CTNNAL1: variants seen among roughly 807,000 people sequenced by gnomAD.
CTNNAL1 encodes alpha-catulin.
CTNNAL1 carries 69 observed loss-of-function variants against 93.6 expected under a neutral mutation model. That is an observed-to-expected ratio of 0.74 (90% confidence interval 0.61 to 0.90). The LOEUF is 0.90. CTNNAL1 is among the 40% of genes least tolerant of loss of function. The pLI, the probability that CTNNAL1 is intolerant of heterozygous loss-of-function variation, is 0.00. For missense variants in CTNNAL1, 836 were observed against 862.0 expected (o/e 0.97, Z 0.38); for synonymous variants, 286 against 305.4 (o/e 0.94, Z 0.66).
At chr9:108,986,943 A>T (rs952558177) in intron 4 of CTNNAL1, among the ~76,000 whole-genome samples, 3 of 152,112 alleles carry the variant, frequency 2.0e-5, no homozygotes, top group African/African-American at 7.2e-5. Context: ...TTGTCAGATG[A>T]GTAGGTTGCG....
At position 108,992,655 on chromosome 9, in the gene CTNNAL1, G is replaced by C; in HGVS notation, c.496C>G (p.Gln166Glu). Residue 166 changes from glutamine (Q) to glutamate (E), a missense_variant, in exon 3 of 19, where the codon CAG (glutamine) becomes GAG (glutamate). By Grantham distance (29) the Gln-to-Glu change is conservative (BLOSUM62 2). Coordinates refer to ENST00000325551, the MANE Select transcript of CTNNAL1 (RefSeq NM_003798.4). ...LLLADRVVIK[Q>E]IITSRNKVLA... ...ACCTTATTTCTTGATGTTATTATCTGTTTAATGACTACTCGGTCTGCCAGC... is the reference window on the plus strand; with the variant it reads ...ACCTTATTTCTTGATGTTATTATCTCTTTAATGACTACTCGGTCTGCCAGC... The C allele has an allele frequency of 6.2e-7, 1 of 1,612,772 alleles. No homozygotes were observed. The highest frequency in any genetic ancestry group is 8.5e-7 in the Non-Finnish European group (1 of 1,179,472).
chr9:108,999,504 T>C (rs17792842), intron 1 of CTNNAL1, among the ~76,000 whole-genome samples: 19,541 of 152,246 alleles, frequency 0.13, 1,634 homozygotes, highest in Middle Eastern at 0.19. Context: ...ATCTGGGGCA[T>C]ACAGTTCCAG....
chr9:109,002,849 C>T (rs1336655102), intron 1 of CTNNAL1, among the ~76,000 whole-genome samples: 3 of 151,490 alleles, frequency 2.0e-5, no homozygotes, highest in African/African-American at 7.3e-5. Flanking sequence ...AAAAGTTAGC[C>T]AGGTATGGTG....
intron 11 of CTNNAL1, among the ~76,000 whole-genome samples, chr9:108,964,157 CA>C (rs1402507551): frequency 1.3e-5 from 2 of 152,122 alleles, no homozygotes; most frequent in Non-Finnish European, 2.9e-5. Flanking sequence ...TACAAAGCAT[CA>C]AAATGATTTG....
At chr9:108,954,236 G>A (rs12349075) in intron 12 of CTNNAL1, among the ~76,000 whole-genome samples, 10,852 of 152,090 alleles carry the variant, frequency 0.071, 477 homozygotes, top group Admixed American at 0.13. Context: ...GCTAAAAGAC[G>A]TCAGTCCCCT....
In CTNNAL1 at chr9:108,952,446, C is replaced by T. The variant is rs868303230; in HGVS notation, c.1678G>A (p.Glu560Lys). Residue 560 changes from glutamate to lysine, a missense_variant and splice_region_variant, in exon 13 of 19, where the codon GAG becomes AAG. Physicochemically the swap from Glu to Lys is moderately conservative, Grantham distance 56. Transcript: ENST00000325551. ...KSLKPDKPDSEEQAKIAKLGL... is the reference protein window; with the variant it reads ...KSLKPDKPDSKEQAKIAKLGL... ...TTAGATGTAGGAATTGGTCTTACCT[C>T]AGAGTCAGGCTTGTCTGGCTTTAAT... The T allele has an allele frequency of 6.2e-7, 1 of 1,614,086 alleles. No homozygotes were observed. Among genetic ancestry groups the T allele is most frequent in the African/African-American group, 1.3e-5 (1 of 74,932 alleles).
At position 108,952,447 on chromosome 9, in the gene CTNNAL1, A is replaced by G. The variant is rs759774317; in HGVS notation, c.1677T>C (p.Ser559=). Residue 559 remains serine (S), a synonymous_variant, in exon 13 of 19, where the codon TCT becomes TCC. Coordinates refer to ENST00000325551, the MANE Select transcript of CTNNAL1 (RefSeq NM_003798.4). ...TAGATGTAGGAATTGGTCTTACCTCAGAGTCAGGCTTGTCTGGCTTTAATG... is the reference window on the plus strand; with the variant it reads ...TAGATGTAGGAATTGGTCTTACCTCGGAGTCAGGCTTGTCTGGCTTTAATG... ...LKSLKPDKPD[S]EEQAKIAKLG... 3 of 1,614,216 alleles carry G rather than the reference A, an allele frequency of 1.9e-6. No individual in the cohort carries two copies. The highest frequency in any genetic ancestry group is 2.5e-6 in the Non-Finnish European group (3 of 1,180,030).
intron 4 of CTNNAL1, among the ~76,000 whole-genome samples, chr9:108,988,772 G>A (rs1233209739): frequency 1.3e-5 from 2 of 152,198 alleles, no homozygotes; most frequent in Admixed American, 6.5e-5. Flanking sequence ...CTCCATGAGT[G>A]CAGAGGTTTT....
intron 1 of CTNNAL1, among the ~76,000 whole-genome samples, chr9:109,002,407 A>G (rs1016995046): frequency 1.3e-5 from 2 of 152,228 alleles, no homozygotes; most frequent in African/African-American, 4.8e-5. Flanking sequence ...ATCAGGCCAT[A>G]GCAGAAGCGA....
intron 1 of CTNNAL1, 92 bp downstream of exon 1, chr9:109,013,210 G>A (rs918691481): frequency 7.4e-7 from 1 of 1,356,180 alleles, no homozygotes; most frequent in Non-Finnish European, 9.6e-7. Context: ...AAGTGGGGCA[G>A]CGGCTGCCTC....
chr9:108,972,725 A>C lies in CTNNAL1; in HGVS notation c.1297T>G (p.Leu433Val), dbSNP rs934767895. ...GAGAGTTTACAGGCATATTCAGCCA[A>C]AGCTTCTAAATTTCCTTCTACTCCA... ...LTGVEGNLEA[L>V]AEYACKLSEQ... Residue 433 changes from leucine to valine, a missense_variant, in exon 9 of 19, where the codon TTG (leucine) becomes GTG (valine). By Grantham distance (32) the Leu-to-Val change is conservative. Transcript: ENST00000325551. 2 of 1,614,068 alleles carry C rather than the reference A, an allele frequency of 1.2e-6. No homozygotes were observed. Among genetic ancestry groups the C allele is most frequent in the Non-Finnish European group, 1.7e-6 (2 of 1,180,014 alleles).
chr9:108,942,819 T>C lies in CTNNAL1; in HGVS notation c.2155A>G (p.Asn719Asp). Residue 719 changes from asparagine (N) to aspartate (D), a missense_variant, in exon 19 of 19, where the codon AAC becomes GAC. Asn to Asp is a conservative substitution (Grantham distance 23). Coordinates refer to ENST00000325551, the MANE Select transcript of CTNNAL1 (RefSeq NM_003798.4). ...KLLKKLQMEN[N>D]GWVSVTNKDT... is the part of the protein sequence containing the mutation. ...TTATTTGTAACTGAGACCCATCCGT[T>C]ATTTTCCATCTGAAGCTGGAAAGAG... 6.2e-7 allele frequency: 1 copy of C among 1,613,838 alleles called. No homozygotes were observed. Among genetic ancestry groups the C allele is most frequent in the Non-Finnish European group, 8.5e-7 (1 of 1,179,856 alleles).
rs765481910 is a variant in CTNNAL1, at chr9:108,948,197, G to A, written c.1873C>T (p.His625Tyr). The change falls in exon 15 of 19, where the codon CAT becomes TAT. Residue 625 changes from histidine to tyrosine, a missense_variant. Coordinates refer to ENST00000325551, the MANE Select transcript of CTNNAL1 (RefSeq NM_003798.4). The stretch of plus-strand genomic sequence containing the variant: ...GAAACAAGGCATACCTCTAGTTGAT[G>A]AATTAAATCCTGGGAAGTTTTCAGT... Reference protein sequence around the residue: ...GPLKTSQDLIHQLEVFAAEGL... With the variant: ...GPLKTSQDLIYQLEVFAAEGL... 3.7e-6 allele frequency: 6 copies of A among 1,612,000 alleles called. No individual in the cohort carries two copies. In the African/African-American group the frequency reaches 6.7e-5, roughly 18 times the overall value.
intron 9 of CTNNAL1, among the ~76,000 whole-genome samples, chr9:108,972,407 T>A (rs1831139284): frequency 6.6e-6 from 1 of 152,140 alleles, no homozygotes; most frequent in Non-Finnish European, 1.5e-5. Flanking sequence ...CGTACCTCCA[T>A]GGCTCTACTC....
At chr9:108,967,472 AAC>A (rs1337670222) in intron 10 of CTNNAL1, among the ~76,000 whole-genome samples, 1 of 152,198 alleles carries the variant, frequency 6.6e-6, no homozygotes, top group Non-Finnish European at 1.5e-5. Context: ...GTGCTGGGGA[AAC>A]AGCTGTGAAT....
At position 108,965,295 on chromosome 9, in the gene CTNNAL1, T is replaced by C. The variant is rs888424032; in HGVS notation, c.1591+83A>G. ...CAGCTGGGTTACGACAAGAATTCAT[T>C]TGCAGTTGAGGTTTGGCATTAAAAA... On this transcript the variant is annotated intron_variant, in intron 11 of 18. Transcript: ENST00000325551. The C allele has an allele frequency of 5.2e-5, 59 of 1,136,656 alleles. No individual in the cohort carries two copies. In the Admixed American group the frequency reaches 1.8e-3, roughly 34 times the overall value. 70.4% of individuals were successfully genotyped at this position (1,136,656 alleles called of 1,614,324 possible).
At chr9:109,001,966 A>G (rs1405980009) in intron 1 of CTNNAL1, among the ~76,000 whole-genome samples, 1 of 152,250 alleles carries the variant, frequency 6.6e-6, no homozygotes, top group Non-Finnish European at 1.5e-5. Flanking sequence ...AACAAAACTT[A>G]AAATGTGAGA....
rs1345139727 is a variant in CTNNAL1, at chr9:108,998,969, G to A, written c.331+98C>T. On this transcript the variant is annotated intron_variant, in intron 2 of 18. Transcript: ENST00000325551. Reference sequence around the variant, plus strand: ...AATGTCTGAGGCAGACATAATCAAAGAGCTGTATATCTTTATTCCAAATAA... The same window carrying A: ...AATGTCTGAGGCAGACATAATCAAAAAGCTGTATATCTTTATTCCAAATAA... The A allele has an allele frequency of 8.9e-6, 12 of 1,350,170 alleles. No homozygotes were observed. The East Asian group carries it at 2.2e-4, about 25-fold the overall frequency. 83.6% of individuals were successfully genotyped at this position (1,350,170 alleles called of 1,614,324 possible). A position where few individuals can be genotyped will look rare whatever the true frequency, so the allele number is the denominator to read the frequency against.
At chr9:109,011,013 T>C (rs1212920111) in intron 1 of CTNNAL1, among the ~76,000 whole-genome samples, 2 of 152,192 alleles carry the variant, frequency 1.3e-5, no homozygotes, top group African/African-American at 2.4e-5. Flanking sequence ...ACACAATAAA[T>C]CCTTGCTTAA....
Sources: allele counts gnomAD v4.1 joint callset (sites outside exome capture counted in the v4.1 genomes callset), GRCh38; gene constraint gnomAD v4.1.1; transcripts MANE v1.5; gene names NCBI Gene and HGNC (gene_info 2026-07-23, HGNC 2026-07-21).